Variants in SPDL1 observed in about 807,000 individuals in gnomAD.
SPDL1 encodes the protein spindle apparatus coiled-coil protein 1.
Under a neutral mutation model 79.5 loss-of-function variants are expected in SPDL1, and 85 were observed. The ratio of observed to expected loss-of-function variants is 1.07; its 90% CI spans 0.90 to 1.28. The LOEUF (loss-of-function observed/expected upper bound fraction) is 1.28. Ranked by LOEUF, SPDL1 falls within the 50% of genes most tolerant of loss-of-function variation. SPDL1 has a pLI of 0.00. For synonymous variants in SPDL1, 269 were observed against 240.3 expected (o/e 1.12, Z -1.10); for missense variants, 703 against 697.8 (o/e 1.01, Z -0.08).
chr5:169,604,157 CTA>C lies in SPDL1; in HGVS notation c.1772_1773del (p.Tyr591CysfsTer4). The C allele has an allele frequency of 6.2e-7, 1 of 1,610,420 alleles. No individual in the cohort carries two copies. Among genetic ancestry groups the C allele is most frequent in the Non-Finnish European group, 8.5e-7 (1 of 1,178,792 alleles). On this transcript the variant is annotated frameshift_variant, in exon 12 of 12. Transcript: ENST00000265295. LOFTEE classifies it high-confidence loss of function. ...KETCKKLHPI[L>X]YVSSKSTPET... ...AACTTGTAAGAAATTACACCCTATT[CTA>C]TATGTGTCTTCTAAATCTACTCCAG...
At chr5:169,600,965 T>C (rs899291463) in intron 10 of SPDL1, among the ~76,000 whole-genome samples, 4 of 152,196 alleles carry the variant, frequency 2.6e-5, no homozygotes, top group Admixed American at 1.3e-4. Flanking sequence ...CGCTGTCTCT[T>C]CATCTCCACA....
intron 4 of SPDL1, among the ~76,000 whole-genome samples, chr5:169,593,888 C>G (rs1755435277): frequency 6.6e-6 from 1 of 152,060 alleles, no homozygotes; most frequent in African/African-American, 2.4e-5. Flanking sequence ...TTGGTTTTTT[C>G]ATTGAAAGCT....
chr5:169,584,870 T>C (rs111615255), intron 1 of SPDL1, among the ~76,000 whole-genome samples: 8,094 of 150,190 alleles, frequency 0.054, 244 homozygotes, highest in Non-Finnish European at 0.059. Flanking sequence ...AGCGGCCGGG[T>C]GCGGTGGCTC....
chr5:169,588,744 T>C, intron 2 of SPDL1, 169 bp downstream of exon 2: 1 of 517,956 alleles, frequency 1.9e-6, no homozygotes, highest in Non-Finnish European at 3.3e-6. Context: ...ATTCCTGTTA[T>C]TCTTTCCACC....
Position 169,594,580 on chromosome 5 carries a change from C to T in SPDL1, c.790C>T (p.Arg264Ter), listed in dbSNP as rs754488294. ...GNSLFAEVED[R>*]RAAMERQLIS... ...TGTTAATATTTTGTAGGTGGAAGATCGAAGGGCAGCAATGGAACGTCAGCT... is the reference window on the plus strand; with the variant it reads ...TGTTAATATTTTGTAGGTGGAAGATTGAAGGGCAGCAATGGAACGTCAGCT... The change falls in exon 7 of 12, where the codon CGA becomes TGA. Residue 264 changes from arginine to a stop codon, truncating the protein, a stop_gained. Coordinates refer to ENST00000265295, the MANE Select transcript of SPDL1 (RefSeq NM_017785.5). LOFTEE classifies it high-confidence loss of function. 1.2e-6 allele frequency: 2 copies of T among 1,613,640 alleles called. No homozygotes were observed. Among genetic ancestry groups the T allele is most frequent in the Admixed American group, 1.7e-5 (1 of 59,986 alleles).
At chr5:169,584,396 C>G (rs1443285176) in intron 1 of SPDL1, among the ~76,000 whole-genome samples, 5 of 152,124 alleles carry the variant, frequency 3.3e-5, no homozygotes, top group African/African-American at 1.2e-4. Flanking sequence ...ACATGACTCG[C>G]GTTATATTTC....
intron 10 of SPDL1, among the ~76,000 whole-genome samples, chr5:169,600,940 G>A (rs527536979): frequency 2.0e-5 from 3 of 152,156 alleles, no homozygotes; most frequent in South Asian, 2.1e-4. Context: ...ATTAGGATTC[G>A]AACCTGGACT....
intron 2 of SPDL1, among the ~76,000 whole-genome samples, chr5:169,589,620 G>A (rs1341991333): frequency 2.7e-5 from 4 of 150,472 alleles, no homozygotes; most frequent in Non-Finnish European, 5.9e-5. Context: ...TCAGATTTCA[G>A]CTTTCATTTA....
chr5:169,584,671 A>C (rs887306774), intron 1 of SPDL1, among the ~76,000 whole-genome samples: 2 of 152,236 alleles, frequency 1.3e-5, no homozygotes, highest in Non-Finnish European at 2.9e-5. Context: ...GAAGCAGGAC[A>C]GGAAAAATGG....
chr5:169,586,732 C>T (rs1561865565), intron 1 of SPDL1, among the ~76,000 whole-genome samples: 1 of 152,184 alleles, frequency 6.6e-6, no homozygotes, highest in Non-Finnish European at 1.5e-5. Context: ...CCTTCAAAAC[C>T]TTCAAAATCT....
chr5:169,599,622 C>T (rs1057110845), intron 10 of SPDL1, among the ~76,000 whole-genome samples: 3 of 152,142 alleles, frequency 2.0e-5, no homozygotes, highest in East Asian at 1.9e-4. Flanking sequence ...AAGCACTCCA[C>T]GGTATCAAGA....
intron 11 of SPDL1, among the ~76,000 whole-genome samples, 199 bp from the exon 12 acceptor site, chr5:169,603,861 A>G (rs1027376499): frequency 2.0e-5 from 3 of 152,200 alleles, no homozygotes; most frequent in African/African-American, 7.2e-5. Flanking sequence ...TCAAAAAGTA[A>G]TAATAACAAT....
chr5:169,589,478 G>A (rs1755157111), intron 2 of SPDL1, among the ~76,000 whole-genome samples: 3 of 151,846 alleles, frequency 2.0e-5, no homozygotes, highest in Non-Finnish European at 4.4e-5. Context: ...CCCCTGCCAA[G>A]CTTCTGACCT....
Position 169,594,266 on chromosome 5 carries a change from A to C in SPDL1, c.653A>C (p.Glu218Ala). ...GAGGAAAAAGAGGAGCGAGAGAAAG[A>C]AGCAGTTTCTTACTATAATGCCCTA... ...LKEEKEEREK[E>A]AVSYYNALEK... Residue 218 changes from glutamate (E) to alanine (A), a missense_variant, in exon 5 of 12, where the codon GAA becomes GCA. Glu to Ala is a moderately radical substitution (Grantham distance 107). Transcript: ENST00000265295. 1.2e-6 allele frequency: 2 copies of C among 1,614,054 alleles called. No individual in the cohort carries two copies. Among genetic ancestry groups the C allele is most frequent in the Non-Finnish European group, 1.7e-6 (2 of 1,179,936 alleles).
chr5:169,586,109 T>C (rs997063911), intron 1 of SPDL1: 8 of 152,286 alleles, frequency 5.3e-5, no homozygotes, highest in Non-Finnish European at 7.3e-5. Flanking sequence ...TTATCCGTTA[T>C]CCTTTGCAGC....
In SPDL1 at chr5:169,601,522, G is replaced by T. The variant is rs1161527354; in HGVS notation, c.1567G>T (p.Asp523Tyr). Reference sequence around the variant, plus strand: ...CTCTCCTCACAAAAATCTGCCCGTGGATATGCAGCTGAAGAAGGAAAAGAA... The same window carrying T: ...CTCTCCTCACAAAAATCTGCCCGTGTATATGCAGCTGAAGAAGGAAAAGAA... Reference protein sequence around the residue: ...SLSPHKNLPVDMQLKKEKKCV... With the variant: ...SLSPHKNLPVYMQLKKEKKCV... The change falls in exon 11 of 12, where the codon GAT becomes TAT. Residue 523 changes from aspartate (D) to tyrosine (Y), a missense_variant. By Grantham distance (160) the Asp-to-Tyr change is radical. Coordinates refer to ENST00000265295, the MANE Select transcript of SPDL1 (RefSeq NM_017785.5). 2 of 1,614,054 alleles carry T rather than the reference G, an allele frequency of 1.2e-6. No individual in the cohort carries two copies. Among genetic ancestry groups the T allele is most frequent in the Non-Finnish European group, 1.7e-6 (2 of 1,180,028 alleles).
intron 2 of SPDL1, among the ~76,000 whole-genome samples, chr5:169,590,306 A>G (rs937458398): frequency 1.3e-5 from 2 of 152,232 alleles, no homozygotes; most frequent in Admixed American, 6.5e-5. Flanking sequence ...AGGCAAAGTA[A>G]AGATTACAAA....
At chr5:169,595,787 T>G (rs936193393) in intron 7 of SPDL1, 2 of 152,194 alleles carry the variant, frequency 1.3e-5, no homozygotes, top group Non-Finnish European at 2.9e-5. Flanking sequence ...TTCTGAGTCT[T>G]AGGCTAAGTG....
intron 4 of SPDL1, 55 bp downstream of exon 4, chr5:169,593,603 T>C (rs535964940): frequency 1.1e-5 from 16 of 1,482,798 alleles, no homozygotes; most frequent in Non-Finnish European, 1.4e-5. Flanking sequence ...TCTGGCATAT[T>C]TTTACATGTT....
Sources: allele counts gnomAD v4.1 joint callset (sites outside exome capture counted in the v4.1 genomes callset), GRCh38; gene constraint gnomAD v4.1.1; transcripts MANE v1.5; gene names NCBI Gene and HGNC (gene_info 2026-07-23, HGNC 2026-07-21).